Variants in PGR observed in about 807,000 individuals in gnomAD.
PGR encodes the protein nuclear receptor subfamily 3 group C member 3.
In PGR, 25 loss-of-function variants were observed where a neutral mutation model predicts 76.1. The ratio of observed to expected loss-of-function variants is 0.33; its 90% CI spans 0.24 to 0.46. The LOEUF is 0.46. PGR is among the 20% of genes least tolerant of loss of function. PGR has a pLI of 1.00. For synonymous variants in PGR, 579 were observed against 535.0 expected (o/e 1.08, Z -1.14); for missense variants, 1,172 against 1,225.3 (o/e 0.96, Z 0.65).
rs761575101 is a variant in PGR at position 101,033,690 on chromosome 11, T to C, written c.*5426A>G. 2.0e-5 allele frequency: 4 copies of C among 202,662 alleles called. No individual in the cohort carries two copies. The highest frequency in any genetic ancestry group is 9.2e-5 in the African/African-American group (4 of 43,650). 12.6% of individuals were successfully genotyped at this position (202,662 alleles called of 1,614,324 possible). A position where few individuals can be genotyped will look rare whatever the true frequency, so the allele number is the denominator to read the frequency against. Reference sequence around the variant, plus strand: ...AGATACTTCAAGGTATAGACTTTTCTGGGGGAGGAGAAAATAAAAGGTATT... The same window carrying C: ...AGATACTTCAAGGTATAGACTTTTCCGGGGGAGGAGAAAATAAAAGGTATT... On this transcript the variant is annotated 3_prime_UTR_variant, in exon 8 of 8. Transcript: ENST00000325455.
intron 6 of PGR, among the ~76,000 whole-genome samples, chr11:101,045,439 G>A (rs899801651): frequency 3.3e-5 from 5 of 152,038 alleles, no homozygotes; most frequent in African/African-American, 9.7e-5. Flanking sequence ...ATTAGGTAAT[G>A]TCTCACCCCC....
At chr11:101,090,561 T>A (rs1450341629) in intron 3 of PGR, among the ~76,000 whole-genome samples, 1 of 152,178 alleles carries the variant, frequency 6.6e-6, no homozygotes. Flanking sequence ...TTAAGACTTC[T>A]GAGTTGAAAC....
intron 2 of PGR, among the ~76,000 whole-genome samples, chr11:101,110,199 T>C (rs1437302434): frequency 1.3e-5 from 2 of 152,232 alleles, no homozygotes; most frequent in African/African-American, 4.8e-5. Context: ...TCAAGCCTTA[T>C]GACTTAAGAA....
intron 3 of PGR, among the ~76,000 whole-genome samples, chr11:101,082,001 T>G (rs1458563411): frequency 6.6e-6 from 1 of 152,188 alleles, no homozygotes; most frequent in Non-Finnish European, 1.5e-5. Context: ...TTCTTAATGT[T>G]TGGGGAGGGA....
At position 101,037,273 on chromosome 11, in the gene PGR, G is replaced by C. The variant is rs572578980; in HGVS notation, c.*1843C>G. 1 of 212,402 alleles carries C rather than the reference G, an allele frequency of 4.7e-6. No homozygotes were observed. Among genetic ancestry groups the C allele is most frequent in the Non-Finnish European group, 9.5e-6 (1 of 105,002 alleles). 13.2% of individuals were successfully genotyped at this position (212,402 alleles called of 1,614,324 possible). On this transcript the variant is annotated 3_prime_UTR_variant, in exon 8 of 8. Coordinates refer to ENST00000325455, the MANE Select transcript of PGR (RefSeq NM_000926.4). ...TTTGCACCTACCTAGTATACGTTGA[G>C]TGTACAAATATTAAAATGCCTATTT...
chr11:101,042,988 G>A (rs1859744167), intron 6 of PGR, among the ~76,000 whole-genome samples: 1 of 152,136 alleles, frequency 6.6e-6, no homozygotes, highest in East Asian at 1.9e-4. Context: ...ATTGGCCAGG[G>A]TGGTGGTTGC....
rs1378672033 is a variant in PGR, at chr11:101,128,394, C to A, written c.677G>T (p.Gly226Val). ...ACCCGCAGACTCCTCGGACTCAGAG[C>A]CATCCTCCTCCTCAACCTCCACCGC... ...AAAVEVEEED[G>V]SESEESAGPL... is the part of the protein sequence containing the mutation. Residue 226 changes from glycine to valine, a missense_variant, in exon 1 of 8, where the codon GGC (glycine) becomes GTC (valine). Transcript: ENST00000325455. The A allele has an allele frequency of 6.2e-7, 1 of 1,610,008 alleles. No homozygotes were observed. Among genetic ancestry groups the A allele is most frequent in the East Asian group, 2.2e-5 (1 of 44,848 alleles).
rs771950812 is a variant in PGR, at chr11:101,128,298, G to A, written c.773C>T (p.Pro258Leu). The change falls in exon 1 of 8, where the codon CCG becomes CTG. Residue 258 changes from proline (P) to leucine (L), a missense_variant. By Grantham distance (98) the Pro-to-Leu change is moderately conservative. Transcript: ENST00000325455. ...AAGGGAAAVP[P>L]GAAAGGVALV... ...GGCGACGCCTCCTGCTGCCGCCCCCGGCGGGACAGCCGCGGCTCCTCCTCC... is the reference window on the plus strand; with the variant it reads ...GGCGACGCCTCCTGCTGCCGCCCCCAGCGGGACAGCCGCGGCTCCTCCTCC... 7.5e-6 allele frequency: 12 copies of A among 1,592,764 alleles called. No individual in the cohort carries two copies. Among genetic ancestry groups the A allele is most frequent in the South Asian group, 5.5e-5 (5 of 90,206 alleles).
chr11:101,043,168 C>T (rs1859752565), intron 6 of PGR, among the ~76,000 whole-genome samples: 1 of 152,188 alleles, frequency 6.6e-6, no homozygotes, highest in South Asian at 2.1e-4. Context: ...CCTCTTAAGT[C>T]CTGCTGCTGC....
chr11:101,081,875 CAACTA>C (rs1379500695), intron 3 of PGR, among the ~76,000 whole-genome samples: 1 of 152,182 alleles, frequency 6.6e-6, no homozygotes, highest in African/African-American at 2.4e-5. Flanking sequence ...AAACAGCTAA[CAACTA>C]AACAAGGGAT....
chr11:101,052,141 AT>A (rs1860111962), intron 4 of PGR, among the ~76,000 whole-genome samples: 1 of 152,168 alleles, frequency 6.6e-6, no homozygotes, highest in Non-Finnish European at 1.5e-5. Context: ...CAGTTGTGTT[AT>A]ATCTAATTTT....
At position 101,088,042 on chromosome 11, in the gene PGR, T is replaced by C. The variant is rs1377202714; in HGVS notation, c.1906+3718A>G. Among the ~76,000 whole-genome samples, 7 of 151,290 alleles carry C rather than the reference T, an allele frequency of 4.6e-5. No individual in the cohort carries two copies. In the South Asian group the frequency reaches 1.5e-3, roughly 32 times the overall value. ...CTTATCGTTACAAAAAAAAAATAAA[T>C]AAAAAGTTTGCCAGGTGTGGTGGTG... On this transcript the variant is annotated intron_variant, in intron 3 of 7. Coordinates refer to ENST00000325455, the MANE Select transcript of PGR (RefSeq NM_000926.4).
intron 6 of PGR, 111 bp from the exon 7 acceptor site, chr11:101,042,213 A>G (rs2135380074): frequency 5.9e-6 from 6 of 1,023,854 alleles, no homozygotes; most frequent in East Asian, 2.6e-5. Flanking sequence ...ATGACTCTAG[A>G]AAAAAAACAC....
chr11:101,055,584 A>G (rs1282379698), intron 4 of PGR, among the ~76,000 whole-genome samples: 1 of 152,080 alleles, frequency 6.6e-6, no homozygotes, highest in African/African-American at 2.4e-5. Context: ...GTATTTTATA[A>G]TATTTAAATA....
intron 3 of PGR, among the ~76,000 whole-genome samples, chr11:101,073,785 A>C (rs1861028741): frequency 6.6e-6 from 1 of 152,216 alleles, no homozygotes. Context: ...AACCAGGAAG[A>C]AGTTGAATTC....
chr11:101,045,430 T>A (rs1329049231), intron 6 of PGR, among the ~76,000 whole-genome samples: 1 of 152,122 alleles, frequency 6.6e-6, no homozygotes, highest in African/African-American at 2.4e-5. Flanking sequence ...ATTGTATCCA[T>A]TAGGTAATGT....
chr11:101,127,360 G>T, intron 1 of PGR, 74 bp downstream of exon 1: 3 of 1,192,906 alleles, frequency 2.5e-6, no homozygotes, highest in East Asian at 6.3e-5. Context: ...CTGGGGCTGA[G>T]GGTTGGCGGC....
intron 3 of PGR, among the ~76,000 whole-genome samples, chr11:101,067,468 A>G (rs1168276933): frequency 6.6e-6 from 1 of 152,114 alleles, no homozygotes; most frequent in African/African-American, 2.4e-5. Context: ...GCAAGGACAC[A>G]GAATACAGGA....
chr11:101,080,254 C>T lies in PGR; in HGVS notation c.1906+11506G>A, dbSNP rs1025614411. On this transcript the variant is annotated intron_variant, in intron 3 of 7. Coordinates refer to ENST00000325455, the MANE Select transcript of PGR (RefSeq NM_000926.4). ...CAAGTATATATCCAGCCACATTGGT[C>T]ACAGCCAGCTCTTACCTATACGTGC... is the stretch of plus-strand genomic sequence containing the variant. Among the ~76,000 whole-genome samples, 7 of 152,080 alleles carry T rather than the reference C, an allele frequency of 4.6e-5. No homozygotes were observed. The East Asian group carries it at 1.2e-3, about 25-fold the overall frequency.
Sources: gnomAD v4.1 joint callset for allele counts (sites outside exome capture counted in the v4.1 genomes callset) on GRCh38, gnomAD v4.1.1 for gene constraint, MANE v1.5 for transcripts, NCBI Gene and HGNC (gene_info 2026-07-23, HGNC 2026-07-21) for gene names.